Variants in GABRA4 observed in about 807,000 individuals in gnomAD.
The protein encoded by GABRA4 is gamma-aminobutyric acid type A receptor subunit alpha4.
A neutral mutation model predicts 49.7 loss-of-function variants in GABRA4; 12 were observed. The observed-to-expected ratio is 0.24, with a 90% CI of 0.15 to 0.39. The LOEUF (loss-of-function observed/expected upper bound fraction) is 0.39. Ranked by LOEUF, GABRA4 falls within the 10% of genes least tolerant of loss-of-function variation. The probability of loss-of-function intolerance (pLI) is 1.00; values close to 1 mark genes in which losing one functional copy is unlikely to be tolerated. For missense variants in GABRA4, 506 were observed against 686.0 expected, an observed-to-expected ratio of 0.74 and a Z score of 2.93; for synonymous variants, 288 against 240.2, an observed-to-expected ratio of 1.20 and a Z score of -1.84.
intron 8 of GABRA4, among the ~76,000 whole-genome samples, chr4:46,937,332 C>T (rs1334563775): frequency 6.6e-6 from 1 of 152,154 alleles, no homozygotes; most frequent in Non-Finnish European, 1.5e-5. Context: ...TTAAGCTAGC[C>T]TGTCTGTGCT....
At position 46,971,064 on chromosome 4, in the gene GABRA4, A is replaced by G. The variant is rs1374126686; in HGVS notation, c.874+19T>C. On this transcript the variant is annotated intron_variant, in intron 7 of 8. Coordinates refer to ENST00000264318, the MANE Select transcript of GABRA4 (RefSeq NM_000809.4). ...AATGTAATGTGAACAAAAACGCCCA[A>G]GAAATGAATTGCAATTACCAAATAC... The G allele has an allele frequency of 6.3e-7, 1 of 1,595,164 alleles. No homozygotes were observed.
At chr4:46,980,075 A>T (rs1723295553) in intron 2 of GABRA4, among the ~76,000 whole-genome samples, 2 of 152,114 alleles carry the variant, frequency 1.3e-5, no homozygotes, top group Admixed American at 1.3e-4. Flanking sequence ...CAAGTCACAT[A>T]TCCTCATAGG....
At chr4:46,968,882 A>T (rs1722856531) in intron 7 of GABRA4, among the ~76,000 whole-genome samples, 1 of 151,660 alleles carries the variant, frequency 6.6e-6, no homozygotes, top group African/African-American at 2.4e-5. Flanking sequence ...ATAATAATAT[A>T]TGGCAGACAG....
intron 8 of GABRA4, among the ~76,000 whole-genome samples, chr4:46,946,216 A>C (rs1032752412): frequency 6.6e-6 from 1 of 152,166 alleles, no homozygotes; most frequent in Non-Finnish European, 1.5e-5. Context: ...GTAGCATTTT[A>C]TAATGTTGAT....
Position 46,928,073 on chromosome 4 carries a change from A to T in GABRA4, c.*152T>A. 1.6e-6 allele frequency: 1 copy of T among 640,030 alleles called. No homozygotes were observed. The highest frequency in any genetic ancestry group is 2.5e-6 in the Non-Finnish European group (1 of 399,804). 39.6% of individuals were successfully genotyped at this position (640,030 alleles called of 1,614,324 possible). On this transcript the variant is annotated 3_prime_UTR_variant, in exon 9 of 9. Transcript: ENST00000264318. Reference sequence around the variant, plus strand: ...TAGTTCACTTTTTCACTCAGGAATTAATTAACTCTCCCAATAACTGGCTTA... The same window carrying T: ...TAGTTCACTTTTTCACTCAGGAATTTATTAACTCTCCCAATAACTGGCTTA...
At chr4:46,978,482 G>C (rs1723225067) in intron 3 of GABRA4, among the ~76,000 whole-genome samples, 1 of 151,578 alleles carries the variant, frequency 6.6e-6, no homozygotes, top group Non-Finnish European at 1.5e-5. Context: ...GAGGTCAGGA[G>C]TTCGAGACCA....
rs888081233 is a variant in GABRA4 at position 46,922,837 on chromosome 4, GTAAA to G, written c.*5384_*5387del. On this transcript the variant is annotated 3_prime_UTR_variant, in exon 9 of 9. Coordinates refer to ENST00000264318, the MANE Select transcript of GABRA4 (RefSeq NM_000809.4). Reference sequence around the variant, plus strand: ...TACCAAAGTAGTTACAAAGAATACTGTAAATAGTTACAGAGCAGTGGTCCCCAAC... The same window carrying G: ...TACCAAAGTAGTTACAAAGAATACTGTAGTTACAGAGCAGTGGTCCCCAAC... 3 of 152,160 alleles carry G rather than the reference GTAAA, an allele frequency of 2.0e-5. No individual in the cohort carries two copies. The highest frequency in any genetic ancestry group is 4.8e-5 in the African/African-American group (2 of 41,444). The allele number at this position is 152,160 out of a possible 1,614,324, so 9.4% of individuals were successfully genotyped here.
chr4:46,981,566 T>C (rs1045658149), intron 2 of GABRA4, among the ~76,000 whole-genome samples: 7 of 152,088 alleles, frequency 4.6e-5, no homozygotes, highest in Non-Finnish European at 1.0e-4. Context: ...CAATTAGTGT[T>C]TACTGAATGA....
intron 2 of GABRA4, among the ~76,000 whole-genome samples, chr4:46,989,538 C>T (rs984867843): frequency 1.3e-5 from 2 of 152,124 alleles, no homozygotes; most frequent in Non-Finnish European, 2.9e-5. Context: ...GAGAGGAGAT[C>T]CTGGAGGGAT....
Position 46,974,263 on chromosome 4 carries a change from G to T in GABRA4, c.690C>A (p.Thr230=), listed in dbSNP as rs775579063. The T allele has an allele frequency of 6.2e-7, 1 of 1,610,914 alleles. No homozygotes were observed. Among genetic ancestry groups the T allele is most frequent in the Non-Finnish European group, 8.5e-7 (1 of 1,178,218 alleles). Residue 230 remains threonine (T), a synonymous_variant, in exon 6 of 9, where the codon ACC becomes ACA. Coordinates refer to ENST00000264318, the MANE Select transcript of GABRA4 (RefSeq NM_000809.4). ...SLVQYDLIGQ[T]VSSETIKSIT... is the part of the protein sequence containing the mutation. ...TTGATTTGATGGTTTCACTTGATAC[G>T]GTTTGCCCAATCAAATCATATTGAA...
Position 46,979,076 on chromosome 4 carries a change from A to G in GABRA4, c.228T>C (p.Thr76=). The change falls in exon 3 of 9, where the codon ACT becomes ACC. Residue 76 remains threonine (T), a synonymous_variant. Transcript: ENST00000264318. ...GFGGPVTEVK[T]DIYVTSFGPV... Reference sequence around the variant, plus strand: ...GTCCAAAGCTGGTGACATATATGTCAGTTTTCACTTCTGTAACAGGACCTA... The same window carrying G: ...GTCCAAAGCTGGTGACATATATGTCGGTTTTCACTTCTGTAACAGGACCTA... 1.2e-6 allele frequency: 2 copies of G among 1,610,212 alleles called. No homozygotes were observed. Among genetic ancestry groups the G allele is most frequent in the Non-Finnish European group, 1.7e-6 (2 of 1,177,058 alleles).
chr4:46,973,744 CT>C (rs1252668877), intron 6 of GABRA4, among the ~76,000 whole-genome samples: 3 of 151,716 alleles, frequency 2.0e-5, no homozygotes, highest in Non-Finnish European at 2.9e-5. Flanking sequence ...AACATCCCCC[CT>C]ACTCATGTGA....
Position 46,928,161 on chromosome 4 carries a change from A to G in GABRA4, c.*64T>C. 7.6e-7 allele frequency: 1 copy of G among 1,311,306 alleles called. No individual in the cohort carries two copies. Among genetic ancestry groups the G allele is most frequent in the Non-Finnish European group, 1.0e-6 (1 of 967,108 alleles). The allele number at this position is 1,311,306 out of a possible 1,614,324, so 81.2% of individuals were successfully genotyped here. A position where few individuals can be genotyped will look rare whatever the true frequency, so the allele number is the denominator to read the frequency against. On this transcript the variant is annotated 3_prime_UTR_variant, in exon 9 of 9. Coordinates refer to ENST00000264318, the MANE Select transcript of GABRA4 (RefSeq NM_000809.4). ...TAGTAAAGAATATTTGTTTATATTT[A>G]AAAACATTTAAAAAGACATTCTGCA...
rs977678680 is a variant in GABRA4 at position 46,927,741 on chromosome 4, A to C, written c.*484T>G. ...TTATACTATTCCATTTCCTTTTGCC[A>C]ATGTTTAATTTAACAGGAAAATTCC... On this transcript the variant is annotated 3_prime_UTR_variant, in exon 9 of 9. Coordinates refer to ENST00000264318, the MANE Select transcript of GABRA4 (RefSeq NM_000809.4). 1.7e-4 allele frequency: 27 copies of C among 155,262 alleles called. No individual in the cohort carries two copies. The highest frequency in any genetic ancestry group is 2.3e-4 in the Non-Finnish European group (16 of 70,288). 9.6% of individuals were successfully genotyped at this position (155,262 alleles called of 1,614,324 possible).
intron 8 of GABRA4, among the ~76,000 whole-genome samples, chr4:46,935,407 C>T (rs918322909): frequency 7.9e-5 from 12 of 152,032 alleles, no homozygotes; most frequent in African/African-American, 2.4e-4. Flanking sequence ...AGGATTCAAA[C>T]GAATATTACA....
In GABRA4 at chr4:46,925,552, C is replaced by T. The variant is rs1251178115; in HGVS notation, c.*2673G>A. On this transcript the variant is annotated 3_prime_UTR_variant, in exon 9 of 9. Coordinates refer to ENST00000264318, the MANE Select transcript of GABRA4 (RefSeq NM_000809.4). ...TAGATAACCAGAACTTTGGGTGCCC[C>T]TAATCATTCTTCTGAGATTTTCTAA... 1 of 151,490 alleles carries T rather than the reference C, an allele frequency of 6.6e-6. No individual in the cohort carries two copies. The highest frequency in any genetic ancestry group is 1.5e-5 in the Non-Finnish European group (1 of 67,746). 9.4% of individuals were successfully genotyped at this position (151,490 alleles called of 1,614,324 possible).
At chr4:46,932,419 T>G (rs1201833518) in intron 8 of GABRA4, among the ~76,000 whole-genome samples, 1 of 152,126 alleles carries the variant, frequency 6.6e-6, no homozygotes, top group Non-Finnish European at 1.5e-5. Flanking sequence ...GAGGAGGCTT[T>G]AAAGAACTTA....
chr4:46,959,818 GTATA>G (rs34315359), intron 8 of GABRA4, among the ~76,000 whole-genome samples: 33 of 138,146 alleles, frequency 2.4e-4, no homozygotes, highest in African/African-American at 6.9e-4. Context: ...CAAAAATTAT[GTATA>G]TATATATATA....
At chr4:46,978,354 C>G (rs573968916) in intron 3 of GABRA4, among the ~76,000 whole-genome samples, 111 of 151,938 alleles carry the variant, frequency 7.3e-4, no homozygotes, top group African/African-American at 2.6e-3. Flanking sequence ...CATACTGAAA[C>G]TAATTATCAC....
Sources: allele counts gnomAD v4.1 joint callset (sites outside exome capture counted in the v4.1 genomes callset), GRCh38; gene constraint gnomAD v4.1.1; transcripts MANE v1.5; gene names NCBI Gene and HGNC (gene_info 2026-07-23, HGNC 2026-07-21).